Variants in NDRG1 observed in about 807,000 individuals in gnomAD.
NDRG1 encodes the protein N-myc downstream regulated 1, also known as protein NDRG1.
NDRG1 carries 32 observed loss-of-function variants against 56.9 expected under a neutral mutation model. That is an observed-to-expected ratio of 0.56 (90% CI 0.42 to 0.76). The LOEUF (loss-of-function observed/expected upper bound fraction) is 0.76. NDRG1 is among the 30% of genes least tolerant of loss of function. The pLI, the probability that NDRG1 is intolerant of heterozygous loss-of-function variation, is 0.00. For missense variants in NDRG1, 507 were observed against 545.7 expected (o/e 0.93, Z 0.71); for synonymous variants, 211 against 204.1 (o/e 1.03, Z -0.29).
At chr8:133,251,127 C>G (rs1320601982) in intron 9 of NDRG1, among the ~76,000 whole-genome samples, 1 of 152,216 alleles carries the variant, frequency 6.6e-6, no homozygotes, top group Non-Finnish European at 1.5e-5. Flanking sequence ...AGGGCAATTG[C>G]AACTCCCACC....
intron 3 of NDRG1, among the ~76,000 whole-genome samples, chr8:133,275,510 G>A (rs1231198307): frequency 1.3e-5 from 2 of 152,080 alleles, no homozygotes; most frequent in Non-Finnish European, 2.9e-5. Context: ...TTTGTCACGT[G>A]ACTGGCTCTA....
At chr8:133,258,902 C>G (rs1301129641) in intron 6 of NDRG1, 4 of 561,622 alleles carry the variant, frequency 7.1e-6, no homozygotes, top group South Asian at 4.1e-5. Context: ...AATGGAAGAA[C>G]AGGAGGCAAG....
chr8:133,262,255 T>C, intron 4 of NDRG1, 88 bp from the exon 5 acceptor site: 1 of 1,494,778 alleles, frequency 6.7e-7, no homozygotes, highest in Non-Finnish European at 9.2e-7. Flanking sequence ...TTCATTTTGT[T>C]TCATTCCTAT....
At chr8:133,286,829 G>T (rs1227288280) in intron 1 of NDRG1, among the ~76,000 whole-genome samples, 1 of 152,204 alleles carries the variant, frequency 6.6e-6, no homozygotes, top group South Asian at 2.1e-4. Flanking sequence ...AGTCTGCCGG[G>T]AGACTGGATA....
intron 11 of NDRG1, 63 bp downstream of exon 11, chr8:133,248,652 C>G (rs1479766148): frequency 1.4e-5 from 22 of 1,592,978 alleles, no homozygotes; most frequent in Admixed American, 1.0e-4. Flanking sequence ...GCCCTGCCAG[C>G]AAGGCCACCT....
intron 3 of NDRG1, chr8:133,264,898 TG>T (rs1478646407): frequency 7.3e-6 from 4 of 550,524 alleles, no homozygotes; most frequent in African/African-American, 1.9e-5. Context: ...ATGCACCAAA[TG>T]CTGGGGAAAG....
chr8:133,273,295 G>A lies in NDRG1; in HGVS notation c.99+6937C>T, dbSNP rs3824238. On this transcript the variant is annotated intron_variant, in intron 3 of 15. Transcript: ENST00000323851. ...AATTTGAAGCCACAGAAAGTCACTC[G>A]GCCCACGAGGTACAATTTATCGGTG... Among the ~76,000 whole-genome samples the A allele has an allele frequency of 2.0e-4, 30 of 152,294 alleles. No homozygotes were observed. The East Asian group carries it at 4.0e-3, about 21-fold the overall frequency.
At chr8:133,267,761 C>G (rs1450786363) in intron 3 of NDRG1, among the ~76,000 whole-genome samples, 1 of 152,184 alleles carries the variant, frequency 6.6e-6, no homozygotes, top group Non-Finnish European at 1.5e-5. Context: ...CCAAGTCCTA[C>G]CACTCCCCAA....
chr8:133,277,280 T>A (rs1857501383), intron 3 of NDRG1, among the ~76,000 whole-genome samples: 1 of 152,128 alleles, frequency 6.6e-6, no homozygotes, highest in African/African-American at 2.4e-5. Flanking sequence ...GGTTTTAAAG[T>A]TCCAGGGGTA....
intron 3 of NDRG1, 140 bp downstream of exon 3, chr8:133,280,092 T>C (rs768605196): frequency 1.0e-5 from 10 of 958,196 alleles, no homozygotes; most frequent in Non-Finnish European, 1.6e-5. Context: ...CAGCTGAGGG[T>C]GAGGACCTAG....
At chr8:133,281,436 G>A (rs1011507787) in intron 2 of NDRG1, among the ~76,000 whole-genome samples, 1 of 152,128 alleles carries the variant, frequency 6.6e-6, no homozygotes, top group Non-Finnish European at 1.5e-5. Context: ...ACAGGCCCAG[G>A]AAGACAGAGA....
intron 5 of NDRG1, 89 bp from the exon 6 acceptor site, chr8:133,259,319 C>A: frequency 7.4e-7 from 1 of 1,350,416 alleles, no homozygotes; most frequent in East Asian, 2.3e-5. Flanking sequence ...GGGGACCATG[C>A]AGCAGCCTGC....
chr8:133,292,238 G>A (rs951725931), intron 1 of NDRG1, among the ~76,000 whole-genome samples: 8 of 152,180 alleles, frequency 5.3e-5, no homozygotes, highest in Admixed American at 2.0e-4. Flanking sequence ...AGCAGAGGAC[G>A]AGGAAATGGC....
At chr8:133,269,688 G>A (rs985368229) in intron 3 of NDRG1, among the ~76,000 whole-genome samples, 5 of 152,124 alleles carry the variant, frequency 3.3e-5, no homozygotes, top group African/African-American at 1.2e-4. Context: ...TTCTGTGCCG[G>A]GCAGAAGAGG....
chr8:133,246,741 G>A, intron 12 of NDRG1, 78 bp from the exon 13 acceptor site: 1 of 1,299,462 alleles, frequency 7.7e-7, no homozygotes, highest in Non-Finnish European at 1.1e-6. Context: ...CCGCCACTCT[G>A]CCACCGTCAC....
chr8:133,266,267 C>A (rs1856915721), intron 3 of NDRG1, among the ~76,000 whole-genome samples: 2 of 152,274 alleles, frequency 1.3e-5, no homozygotes, highest in South Asian at 4.1e-4. Context: ...GCCACCTCAG[C>A]TCAGCACGCT....
chr8:133,254,510 C>G (rs1242877149), intron 9 of NDRG1, 29 bp downstream of exon 9: 2 of 1,613,550 alleles, frequency 1.2e-6, no homozygotes, highest in Admixed American at 3.3e-5. Flanking sequence ...TCAGCAGGAA[C>G]AACAGATTTG....
At chr8:133,259,320 A>C in intron 5 of NDRG1, 90 bp from the exon 6 acceptor site, 1 of 1,352,730 alleles carries the variant, frequency 7.4e-7, no homozygotes. Context: ...GGGACCATGC[A>C]GCAGCCTGCC....
intron 3 of NDRG1, among the ~76,000 whole-genome samples, chr8:133,274,283 G>C (rs1157851551): frequency 1.3e-5 from 2 of 152,230 alleles, no homozygotes; most frequent in Non-Finnish European, 2.9e-5. Context: ...CCTCAGTGCC[G>C]AGCTCTGGGC....
Sources: allele counts gnomAD v4.1 joint callset (sites outside exome capture counted in the v4.1 genomes callset), GRCh38; gene constraint gnomAD v4.1.1; transcripts MANE v1.5; gene names NCBI Gene and HGNC (gene_info 2026-07-23, HGNC 2026-07-21).